Variants in DYSF observed in about 807,000 individuals in gnomAD.
DYSF encodes the protein dysferlin.
DYSF carries 212 observed loss-of-function variants against 274.9 expected under a neutral mutation model. The observed-to-expected ratio is 0.77, with a 90% confidence interval of 0.69 to 0.86. The LOEUF (loss-of-function observed/expected upper bound fraction) is 0.86. Among genes scored for constraint, DYSF ranks in the 40% least tolerant of loss-of-function variants. The pLI, the probability that DYSF is intolerant of heterozygous loss-of-function variation, is 0.00. For synonymous variants in DYSF, 1,091 were observed against 1,078.7 expected, an observed-to-expected ratio of 1.01 and a Z score of -0.22; for missense variants, 2,666 against 2,783.2, an observed-to-expected ratio of 0.96 and a Z score of 0.95.
At position 71,481,286 on chromosome 2, in the gene DYSF, C is replaced by G. The variant is rs531854494; in HGVS notation, c.147+348C>G. ...CAAAGCTCACCTTCTCCCCACAGCC[C>G]TCCCTGATGAGGCAGGTCCTCCTCT... On this transcript the variant is annotated intron_variant, in intron 2 of 55. Transcript: ENST00000410020. Among the ~76,000 whole-genome samples, 17 of 152,364 alleles carry G rather than the reference C, an allele frequency of 1.1e-4. No homozygotes were observed. In the East Asian group the frequency reaches 2.9e-3, roughly 26 times the overall value.
intron 29 of DYSF, among the ~76,000 whole-genome samples, chr2:71,572,941 T>C (rs931044165): frequency 4.6e-5 from 7 of 152,178 alleles, no homozygotes; most frequent in Non-Finnish European, 1.0e-4. Context: ...TGGGATACTG[T>C]CAGGCCCATC....
At position 71,515,724 on chromosome 2, in the gene DYSF, C is replaced by T; in HGVS notation, c.861C>T (p.His287=). The T allele has an allele frequency of 6.2e-7, 1 of 1,614,148 alleles. No homozygotes were observed. The highest frequency in any genetic ancestry group is 8.5e-7 in the Non-Finnish European group (1 of 1,180,028). The change falls in exon 8 of 56, where the codon CAC becomes CAT. Residue 287 remains histidine, a synonymous_variant. Transcript: ENST00000410020. ...GGCAGACCAAGCGGACGCGGATCCA[C>T]AAGGGAAACAGCCCACTCTTCAATG... The part of the protein sequence containing the change: ...AAGQTKRTRI[H]KGNSPLFNET...
chr2:71,539,352 C>A, intron 17 of DYSF, 113 bp downstream of exon 17: 1 of 911,454 alleles, frequency 1.1e-6, no homozygotes, highest in Non-Finnish European at 1.8e-6. Flanking sequence ...GATTATAAGG[C>A]CTCTGTTGCC....
At chr2:71,591,584 G>A (rs536074516) in intron 32 of DYSF, among the ~76,000 whole-genome samples, 4 of 152,324 alleles carry the variant, frequency 2.6e-5, no homozygotes, top group Non-Finnish European at 5.9e-5. Flanking sequence ...ACAGATACTC[G>A]GATAGGTTAA....
chr2:71,657,510 C>G (rs1558746249), intron 43 of DYSF, among the ~76,000 whole-genome samples: 1 of 152,204 alleles, frequency 6.6e-6, no homozygotes, highest in Admixed American at 6.5e-5. Flanking sequence ...CCCACATTTC[C>G]CTTCTGCATT....
chr2:71,653,672 A>C lies in DYSF; in HGVS notation c.4627-2490A>C, dbSNP rs1428950737. Among the ~76,000 whole-genome samples, 5 of 73,062 alleles carry C rather than the reference A, an allele frequency of 6.8e-5. No individual in the cohort carries two copies. In the East Asian group the frequency reaches 2.0e-3, roughly 29 times the overall value. 47.9% of individuals were successfully genotyped at this position (73,062 alleles called of 152,430 possible). ...CTGGGGCCTGTTGTGGGGTGGGGGG[A>C]GGGGGGAGGGATAGCATTAGGAGAT... is the stretch of plus-strand genomic sequence containing the variant. On this transcript the variant is annotated intron_variant, in intron 42 of 55. Transcript: ENST00000410020.
At chr2:71,666,675 G>A (rs2095017495) in intron 47 of DYSF, among the ~76,000 whole-genome samples, 1 of 152,214 alleles carries the variant, frequency 6.6e-6, no homozygotes, top group Non-Finnish European at 1.5e-5. Context: ...GCAGGGAGGA[G>A]CTGTACCTGG....
At chr2:71,642,212 A>G (rs1029071223) in intron 41 of DYSF, among the ~76,000 whole-genome samples, 1 of 152,190 alleles carries the variant, frequency 6.6e-6, no homozygotes, top group Non-Finnish European at 1.5e-5. Flanking sequence ...GGAAAGAAAA[A>G]TAAAGATTTA....
intron 45 of DYSF, among the ~76,000 whole-genome samples, chr2:71,660,976 G>C (rs372255291): frequency 7.9e-5 from 12 of 151,878 alleles, no homozygotes; most frequent in African/African-American, 2.9e-4. Flanking sequence ...ACTTAGCCAG[G>C]CATGGTAGTG....
intron 1 of DYSF, among the ~76,000 whole-genome samples, chr2:71,460,036 C>T (rs1480717639): frequency 6.6e-6 from 1 of 152,172 alleles, no homozygotes; most frequent in African/African-American, 2.4e-5. Flanking sequence ...TCACCTGAAG[C>T]CTCAGGTGGG....
intron 41 of DYSF, among the ~76,000 whole-genome samples, chr2:71,642,759 A>T (rs1023279938): frequency 1.3e-5 from 2 of 152,220 alleles, no homozygotes; most frequent in African/African-American, 4.8e-5. Flanking sequence ...CCGTCTCCCC[A>T]GGATGCCTGT....
intron 30 of DYSF, among the ~76,000 whole-genome samples, chr2:71,587,888 G>A (rs1489309592): frequency 6.6e-6 from 1 of 152,188 alleles, no homozygotes; most frequent in Non-Finnish European, 1.5e-5. Context: ...AGAGTCCCCT[G>A]GGAGAATAGA....
intron 14 of DYSF, among the ~76,000 whole-genome samples, chr2:71,533,976 T>C (rs997895351): frequency 6.6e-6 from 1 of 152,130 alleles, no homozygotes; most frequent in African/African-American, 2.4e-5. Flanking sequence ...CTTTCCTTAC[T>C]CCTCTCTTTG....
At chr2:71,635,748 CAAAAAAA>C (rs753590151) in intron 41 of DYSF, among the ~76,000 whole-genome samples, 1 of 69,706 alleles carries the variant, frequency 1.4e-5, no homozygotes, top group African/African-American at 5.7e-5. Flanking sequence ...GACTCTGTCT[CAAAAAAA>C]AAAAAAAAAA....
At position 71,568,265 on chromosome 2, in the gene DYSF, C is replaced by T. The variant is rs542792728; in HGVS notation, c.2791C>T (p.Leu931=). 1 of 1,614,242 alleles carries T rather than the reference C, an allele frequency of 6.2e-7. No individual in the cohort carries two copies. ...TTCTGACGTCACGGGCAAGATCAAG[C>T]TACCCAAGGACAGCTTCCGCCCCTC... ...KFSDVTGKIK[L]PKDSFRPSAG... Residue 931 remains leucine, a synonymous_variant, in exon 26 of 56, where the codon CTA becomes TTA. Coordinates refer to ENST00000410020, the MANE Select transcript of DYSF (RefSeq NM_001130987.2).
intron 30 of DYSF, among the ~76,000 whole-genome samples, chr2:71,578,451 T>A (rs1166125548): frequency 6.6e-6 from 1 of 152,148 alleles, no homozygotes. Flanking sequence ...GATCTGATGG[T>A]GGAGGCCTGG....
intron 29 of DYSF, 78 bp downstream of exon 29, chr2:71,570,819 C>CCACACCCAGCA (rs2092377465): frequency 1.3e-6 from 2 of 1,577,602 alleles, no homozygotes; most frequent in Non-Finnish European, 8.6e-7. Flanking sequence ...ACCTGCATGC[C>CCACACCCAGCA]CACAGACACA....
chr2:71,550,681 C>T (rs1165897198), intron 17 of DYSF, among the ~76,000 whole-genome samples: 5 of 152,216 alleles, frequency 3.3e-5, no homozygotes, highest in African/African-American at 1.2e-4. Context: ...TGGAGGGCCT[C>T]AAACCCCAAC....
chr2:71,528,487 T>A, intron 14 of DYSF, 86 bp downstream of exon 14: 1 of 1,138,556 alleles, frequency 8.8e-7, no homozygotes, highest in Middle Eastern at 2.0e-4. Flanking sequence ...CAAGACAGAG[T>A]GAGATGCCCC....
Sources: allele counts gnomAD v4.1 joint callset (sites outside exome capture counted in the v4.1 genomes callset), GRCh38; gene constraint gnomAD v4.1.1; transcripts MANE v1.5; gene names NCBI Gene and HGNC (gene_info 2026-07-23, HGNC 2026-07-21).